The following CTTNBP2 variants were observed in gnomAD, a reference collection of about 807,000 sequenced individuals.
CTTNBP2 encodes cortactin-binding protein 2.
A neutral mutation model predicts 156.9 loss-of-function variants in CTTNBP2; 108 were observed. That is an observed-to-expected ratio of 0.69 (90% confidence interval 0.59 to 0.81). CTTNBP2 has a LOEUF of 0.81. Ranked by LOEUF, CTTNBP2 falls within the 30% of genes least tolerant of loss-of-function variation. CTTNBP2 has a pLI of 0.00. For missense variants in CTTNBP2, 1,924 were observed against 2,035.4 expected, an observed-to-expected ratio of 0.95 and a Z score of 1.05; for synonymous variants, 767 against 751.8, an observed-to-expected ratio of 1.02 and a Z score of -0.33.
At chr7:117,872,903 G>C (rs1045444454) in intron 1 of CTTNBP2, among the ~76,000 whole-genome samples, 1 of 151,928 alleles carries the variant, frequency 6.6e-6, no homozygotes, top group Non-Finnish European at 1.5e-5. Context: ...TCCGCTGAGC[G>C]GTACCAGGCA....
intron 12 of CTTNBP2, among the ~76,000 whole-genome samples, chr7:117,750,926 T>C (rs1231064037): frequency 6.6e-6 from 1 of 152,216 alleles, no homozygotes; most frequent in African/African-American, 2.4e-5. Flanking sequence ...GTCTTAATTG[T>C]AGTTACCAGA....
In CTTNBP2 at chr7:117,792,226, A is replaced by G; in HGVS notation, c.970T>C (p.Leu324=). The G allele has an allele frequency of 6.2e-7, 1 of 1,614,220 alleles. No individual in the cohort carries two copies. The highest frequency in any genetic ancestry group is 8.5e-7 in the Non-Finnish European group (1 of 1,180,036). The change falls in exon 4 of 23, where the codon TTA becomes CTA. Residue 324 remains leucine, a synonymous_variant. Coordinates refer to ENST00000160373, the MANE Select transcript of CTTNBP2 (RefSeq NM_033427.3). This position sits in a 1 kb window ranked among gnomAD's most constrained non-coding sequence, Gnocchi z 4.2. ...GTGGAAGGTTTTACAGGCATGGTTA[A>G]AGGCAACTTTTTCATGTGGTCAGCA... The part of the protein sequence containing the change: ...ENADHMKKLP[L]TMPVKPSTGS...
Position 117,792,778 on chromosome 7 carries a change from C to A in CTTNBP2, c.418G>T (p.Glu140Ter). ...AAAESRQKKLEMEKLQLQALE... is the reference protein window; with the variant it reads ...AAAESRQKKL ...GCTTGTAGCTGAAGCTTCTCCATTT[C>A]CAGCTGAAAGAAATTCACAGGAAAA... Residue 140 changes from glutamate to a stop codon, truncating the protein, a stop_gained, in exon 4 of 23, where the codon GAA becomes TAA. Coordinates refer to ENST00000160373, the MANE Select transcript of CTTNBP2 (RefSeq NM_033427.3). LOFTEE classifies it high-confidence loss of function. The surrounding 1 kb of genome is among the most constrained non-coding windows in gnomAD (Gnocchi z 4.2). 3 of 1,532,314 alleles carry A rather than the reference C, an allele frequency of 2.0e-6. No individual in the cohort carries two copies. The highest frequency in any genetic ancestry group is 2.6e-6 in the Non-Finnish European group (3 of 1,142,590). 94.9% of individuals were successfully genotyped at this position (1,532,314 alleles called of 1,614,324 possible).
At chr7:117,862,629 T>C (rs1161817748) in intron 1 of CTTNBP2, among the ~76,000 whole-genome samples, 1 of 152,146 alleles carries the variant, frequency 6.6e-6, no homozygotes, top group East Asian at 1.9e-4. Flanking sequence ...CACAAACTCA[T>C]TTGACAAGCT....
chr7:117,735,273 T>C lies in CTTNBP2; in HGVS notation c.3684A>G (p.Gln1228=). The C allele has an allele frequency of 1.2e-6, 2 of 1,612,644 alleles. No homozygotes were observed. The highest frequency in any genetic ancestry group is 1.7e-6 in the Non-Finnish European group (2 of 1,179,758). Residue 1228 remains glutamine, a synonymous_variant, in exon 15 of 23, where the codon CAA becomes CAG. Coordinates refer to ENST00000160373, the MANE Select transcript of CTTNBP2 (RefSeq NM_033427.3). ...NRSTESPCTF[Q]KGNGLSECYY... ...TGGTCCCTTTATTAGCGTTACCTTT[T>C]TGGAAAGTGCAGGGGCTTTCAGTGC...
intron 12 of CTTNBP2, among the ~76,000 whole-genome samples, chr7:117,748,687 T>G (rs1323331085): frequency 6.6e-6 from 1 of 152,262 alleles, no homozygotes; most frequent in East Asian, 1.9e-4. Context: ...AAGCCCAGAC[T>G]CTACTATGAC....
chr7:117,834,623 AATAC>A (rs1214295636), intron 2 of CTTNBP2, among the ~76,000 whole-genome samples: 16 of 152,222 alleles, frequency 1.1e-4, no homozygotes, highest in African/African-American at 3.6e-4. Flanking sequence ...AATTCTAGTA[AATAC>A]ATAAAGAAAA....
intron 1 of CTTNBP2, among the ~76,000 whole-genome samples, chr7:117,864,515 G>A (rs1803979661): frequency 6.6e-6 from 1 of 151,134 alleles, no homozygotes; most frequent in South Asian, 2.1e-4. Context: ...TACTGTGCAT[G>A]AAAAGATGCT....
At chr7:117,717,976 G>A in intron 22 of CTTNBP2, 42 bp downstream of exon 22, 1 of 1,204,476 alleles carries the variant, frequency 8.3e-7, no homozygotes. Flanking sequence ...CAATTCCACA[G>A]CAATCATCCT....
intron 2 of CTTNBP2, among the ~76,000 whole-genome samples, chr7:117,852,786 T>C (rs985380986): frequency 2.0e-5 from 3 of 152,208 alleles, no homozygotes; most frequent in Non-Finnish European, 2.9e-5. Context: ...TACAATTGAT[T>C]ACAGGTGTGT....
intron 19 of CTTNBP2, among the ~76,000 whole-genome samples, chr7:117,723,383 TTAAA>T (rs1278726968): frequency 2.6e-5 from 4 of 152,298 alleles, no homozygotes; most frequent in South Asian, 2.1e-4. Context: ...TTTATGTTTT[TTAAA>T]TATAAGATTT....
chr7:117,790,324 A>G (rs1187238293), intron 4 of CTTNBP2, among the ~76,000 whole-genome samples: 1 of 152,234 alleles, frequency 6.6e-6, no homozygotes, highest in African/African-American at 2.4e-5. Context: ...TGCTTAGTAA[A>G]TAACTAATCC....
At chr7:117,852,146 C>G (rs1166242416) in intron 2 of CTTNBP2, among the ~76,000 whole-genome samples, 1 of 151,986 alleles carries the variant, frequency 6.6e-6, no homozygotes, top group African/African-American at 2.4e-5. Context: ...ATAATCTACC[C>G]TCGCAAATTC....
intron 17 of CTTNBP2, among the ~76,000 whole-genome samples, chr7:117,726,580 CTT>C (rs1376158980): frequency 6.6e-6 from 1 of 152,212 alleles, no homozygotes; most frequent in Non-Finnish European, 1.5e-5. Flanking sequence ...TCTAAACTAT[CTT>C]TTCAGTCTTG....
At chr7:117,827,758 A>G (rs947550988) in intron 2 of CTTNBP2, among the ~76,000 whole-genome samples, 5 of 152,238 alleles carry the variant, frequency 3.3e-5, no homozygotes, top group African/African-American at 1.2e-4. Flanking sequence ...AAAAACACAG[A>G]AATAAAGGTA....
At chr7:117,788,768 T>C (rs773736411) in intron 4 of CTTNBP2, among the ~76,000 whole-genome samples, 1 of 152,196 alleles carries the variant, frequency 6.6e-6, no homozygotes, top group Non-Finnish European at 1.5e-5. Flanking sequence ...GTCTAGGTGC[T>C]CAGTAAACAC....
At chr7:117,755,624 A>G in intron 12 of CTTNBP2, 1 of 460,174 alleles carries the variant, frequency 2.2e-6, no homozygotes, top group South Asian at 1.6e-5. Context: ...AGAATAAATA[A>G]AATAAGTCAT....
Position 117,792,968 on chromosome 7 carries a change from C to T in CTTNBP2, c.415-187G>A, listed in dbSNP as rs114929791. On this transcript the variant is annotated intron_variant, in intron 3 of 22. Coordinates refer to ENST00000160373, the MANE Select transcript of CTTNBP2 (RefSeq NM_033427.3). This position sits in a 1 kb window ranked among gnomAD's most constrained non-coding sequence, Gnocchi z 4.2. ...AGACACATTAAAATGAGAAAATAGA[C>T]GTAAATGGCTTTATAAAGACATCTA... is the stretch of plus-strand genomic sequence containing the variant. 1.9e-3 allele frequency among the ~76,000 whole-genome samples: 282 copies of T among 152,188 alleles called. No individual in the cohort carries two copies. The highest frequency in any genetic ancestry group is 6.6e-3 in the African/African-American group (273 of 41,520).
At chr7:117,736,290 A>G (rs977470191) in intron 14 of CTTNBP2, among the ~76,000 whole-genome samples, 1 of 152,170 alleles carries the variant, frequency 6.6e-6, no homozygotes, top group African/African-American at 2.4e-5. Context: ...CCCTGCCTGT[A>G]CAAAAAATAC....
Sources: allele counts gnomAD v4.1 joint callset (sites outside exome capture counted in the v4.1 genomes callset), GRCh38; gene constraint gnomAD v4.1.1; non-coding constraint Gnocchi (gnomAD v3.1); transcripts MANE v1.5; gene names NCBI Gene and HGNC (gene_info 2026-07-23, HGNC 2026-07-21).